Variants in SLC4A4 observed in about 807,000 individuals in gnomAD.
SLC4A4 encodes solute carrier family 4 member 4, also known as electrogenic sodium bicarbonate cotransporter 1.
In SLC4A4, 27 loss-of-function variants were observed where a neutral mutation model predicts 111.5. That is an observed-to-expected ratio of 0.24 (90% CI 0.18 to 0.33). The LOEUF (loss-of-function observed/expected upper bound fraction) is 0.33. SLC4A4 is among the 10% of genes least tolerant of loss of function. The pLI, the probability that SLC4A4 is intolerant of heterozygous loss-of-function variation, is 1.00. For missense variants in SLC4A4, 909 were observed against 1,315.5 expected (o/e 0.69, Z 4.78); for synonymous variants, 443 against 463.4 (o/e 0.96, Z 0.57).
chr4:71,476,937 A>G (rs1213265419), intron 14 of SLC4A4, among the ~76,000 whole-genome samples: 1 of 151,724 alleles, frequency 6.6e-6, no homozygotes, highest in African/African-American at 2.4e-5. Context: ...TAAATTTCCC[A>G]CTGTACTTTG....
intron 16 of SLC4A4, among the ~76,000 whole-genome samples, chr4:71,501,337 A>T (rs933191954): frequency 2.6e-5 from 4 of 151,982 alleles, no homozygotes; most frequent in Admixed American, 1.3e-4. Context: ...TACTTCTAAA[A>T]TTTTTTTGGT....
intron 3 of SLC4A4, among the ~76,000 whole-genome samples, chr4:71,295,040 T>C (rs1489613855): frequency 6.6e-6 from 1 of 152,222 alleles, no homozygotes; most frequent in Non-Finnish European, 1.5e-5. Flanking sequence ...GGTATACTTT[T>C]TTAGATGTTA....
At chr4:71,545,254 G>A (rs1735416152) in intron 18 of SLC4A4, among the ~76,000 whole-genome samples, 1 of 151,992 alleles carries the variant, frequency 6.6e-6, no homozygotes, top group Non-Finnish European at 1.5e-5. Flanking sequence ...ATGTGCGTGA[G>A]CCAGGGGTGA....
At chr4:71,401,029 C>A (rs1244303413) in intron 7 of SLC4A4, among the ~76,000 whole-genome samples, 1 of 152,166 alleles carries the variant, frequency 6.6e-6, no homozygotes, top group African/African-American at 2.4e-5. Flanking sequence ...TTCTGATTGA[C>A]TGATTATTCT....
chr4:71,134,867 G>C (rs553489324), intron 2 of SLC4A4, among the ~76,000 whole-genome samples: 4 of 152,274 alleles, frequency 2.6e-5, no homozygotes, highest in Admixed American at 1.3e-4. Context: ...TTTTAGGTAG[G>C]ATGTTGGGAG....
chr4:71,506,827 G>A (rs1391212859), intron 16 of SLC4A4, among the ~76,000 whole-genome samples: 1 of 152,032 alleles, frequency 6.6e-6, no homozygotes, highest in African/African-American at 2.4e-5. Context: ...AAGAAAAAAT[G>A]TTTAGGGCAG....
intron 14 of SLC4A4, among the ~76,000 whole-genome samples, chr4:71,476,441 A>G (rs1242008635): frequency 2.6e-5 from 4 of 151,764 alleles, no homozygotes; most frequent in Non-Finnish European, 5.9e-5. Context: ...TTGTTTTTCA[A>G]CACTGGGACA....
At chr4:71,265,722 A>T (rs1244972120) in intron 3 of SLC4A4, among the ~76,000 whole-genome samples, 2 of 152,058 alleles carry the variant, frequency 1.3e-5, no homozygotes, top group African/African-American at 4.8e-5. Context: ...TTTTCAAATG[A>T]TCATAGTGAT....
At chr4:71,192,344 T>TA (rs761999766) in intron 1 of SLC4A4, among the ~76,000 whole-genome samples, 3 of 152,258 alleles carry the variant, frequency 2.0e-5, no homozygotes, top group Middle Eastern at 3.4e-3. Context: ...GTAAATACAT[T>TA]AAAAAGAATT....
intron 2 of SLC4A4, among the ~76,000 whole-genome samples, chr4:71,146,465 C>T (rs1026147631): frequency 2.4e-4 from 37 of 152,152 alleles, no homozygotes; most frequent in East Asian, 5.8e-4. Flanking sequence ...CCATTAGGTC[C>T]GCTTGGTGCA....
In SLC4A4 at chr4:71,351,509, A is replaced by T. The variant is rs138192589; in HGVS notation, c.550+1437A>T. On this transcript the variant is annotated intron_variant, in intron 5 of 25. Transcript: ENST00000264485. ...CCATTTATAATGTTAATCTTATGCT[A>T]ATAAGTGAAAGTGAATGTAAATCTG... 3.2e-3 allele frequency among the ~76,000 whole-genome samples: 493 copies of T among 152,342 alleles called. 6 individuals are homozygous for T. Among genetic ancestry groups the T allele is most frequent in the Admixed American group, 4.1e-3 (62 of 15,300 alleles).
At chr4:71,259,887 G>T (rs1016485614) in intron 3 of SLC4A4, among the ~76,000 whole-genome samples, 1 of 152,162 alleles carries the variant, frequency 6.6e-6, no homozygotes. Context: ...ACAGAACATC[G>T]TGTTCAGCAT....
intron 2 of SLC4A4, among the ~76,000 whole-genome samples, chr4:71,109,463 G>A (rs958634810): frequency 1.3e-5 from 2 of 152,268 alleles, no homozygotes; most frequent in East Asian, 3.9e-4. Context: ...TTGCATCTCT[G>A]TGATCAGAGG....
intron 3 of SLC4A4, among the ~76,000 whole-genome samples, chr4:71,274,588 T>C (rs1337525489): frequency 6.6e-6 from 1 of 152,118 alleles, no homozygotes; most frequent in East Asian, 1.9e-4. Flanking sequence ...TTTAGAGGAG[T>C]TAGAAGTTCT....
chr4:71,340,742 A>C (rs542952660), intron 4 of SLC4A4, among the ~76,000 whole-genome samples: 2 of 152,306 alleles, frequency 1.3e-5, no homozygotes, highest in African/African-American at 4.8e-5. Context: ...TCTCATTATC[A>C]ATAAAGAGTG....
At position 71,423,992 on chromosome 4, in the gene SLC4A4, G is replaced by T. The variant is rs947391598; in HGVS notation, c.808-16624G>T. On this transcript the variant is annotated intron_variant, in intron 7 of 25. Transcript: ENST00000264485. ...CAACAAAAGCCAAAATTGACAAATG[G>T]GATCTAGTTAAACTAAAGAGCTTCT... Among the ~76,000 whole-genome samples, 70 of 152,206 alleles carry T rather than the reference G, an allele frequency of 4.6e-4. 2 individuals are homozygous for T. The highest frequency in any genetic ancestry group is 3.4e-3 in the Middle Eastern group (1 of 294).
chr4:71,179,647 A>T (rs1426406692), intron 2 of SLC4A4, among the ~76,000 whole-genome samples: 2 of 152,198 alleles, frequency 1.3e-5, no homozygotes, highest in Admixed American at 1.3e-4. Flanking sequence ...CTTACAAGGG[A>T]TGTGAAGGAC....
At chr4:71,222,256 C>A (rs1387815922) in intron 1 of SLC4A4, among the ~76,000 whole-genome samples, 1 of 152,194 alleles carries the variant, frequency 6.6e-6, no homozygotes. Flanking sequence ...CAGTAATCTT[C>A]CTGGCTATTT....
intron 12 of SLC4A4, among the ~76,000 whole-genome samples, chr4:71,462,387 T>C (rs1305086987): frequency 6.6e-6 from 1 of 151,670 alleles, no homozygotes; most frequent in African/African-American, 2.4e-5. Flanking sequence ...GAAGAGACCT[T>C]AGAGATTATC....
Sources: allele counts gnomAD v4.1 joint callset (sites outside exome capture counted in the v4.1 genomes callset), GRCh38; gene constraint gnomAD v4.1.1; transcripts MANE v1.5; gene names NCBI Gene and HGNC (gene_info 2026-07-23, HGNC 2026-07-21).